The following MIPOL1 variants were observed in gnomAD, a reference collection of about 807,000 sequenced individuals.
MIPOL1 encodes the protein mirror-image polydactyly gene 1 protein.
Under a neutral mutation model 60.9 loss-of-function variants are expected in MIPOL1, and 57 were observed. The ratio of observed to expected loss-of-function variants is 0.94; its 90% CI spans 0.76 to 1.17. The LOEUF is 1.17. Ranked by LOEUF, MIPOL1 falls within the 50% of genes most tolerant of loss-of-function variation. The pLI, the probability that MIPOL1 is intolerant of heterozygous loss-of-function variation, is 0.00. For synonymous variants in MIPOL1, 179 were observed against 168.8 expected (o/e 1.06, Z -0.47); for missense variants, 551 against 511.6 (o/e 1.08, Z -0.74).
chr14:37,480,012 C>T (rs931157871), intron 11 of MIPOL1, among the ~76,000 whole-genome samples: 1 of 151,988 alleles, frequency 6.6e-6, no homozygotes, highest in South Asian at 2.1e-4. Context: ...CTAAACAGAC[C>T]AGTAATGACT....
At chr14:37,416,307 A>G (rs1190920347) in intron 10 of MIPOL1, among the ~76,000 whole-genome samples, 1 of 152,202 alleles carries the variant, frequency 6.6e-6, no homozygotes, top group African/African-American at 2.4e-5. Flanking sequence ...GAGGAATATG[A>G]CATTTTGTAT....
At chr14:37,373,635 T>C (rs1232953533) in intron 10 of MIPOL1, among the ~76,000 whole-genome samples, 1 of 151,812 alleles carries the variant, frequency 6.6e-6, no homozygotes, top group Non-Finnish European at 1.5e-5. Flanking sequence ...GAACATGTGG[T>C]GTTCGGTTTT....
chr14:37,490,969 AG>A (rs1192192555), intron 11 of MIPOL1, among the ~76,000 whole-genome samples: 1 of 152,218 alleles, frequency 6.6e-6, no homozygotes, highest in Admixed American at 6.5e-5. Context: ...CAAAAGCAGA[AG>A]TCTCCCTTCT....
chr14:37,456,997 T>A (rs1245684374), intron 11 of MIPOL1, among the ~76,000 whole-genome samples: 1 of 152,182 alleles, frequency 6.6e-6, no homozygotes, highest in Non-Finnish European at 1.5e-5. Context: ...TCTTTACTAT[T>A]GAAAAGGACA....
chr14:37,347,869 C>G lies in MIPOL1; in HGVS notation c.829-21648C>G, dbSNP rs1031461880. On this transcript the variant is annotated intron_variant, in intron 9 of 12. Transcript: ENST00000684589. The stretch of plus-strand genomic sequence containing the variant: ...ACAAAAGAATCGCATTTTCAAAGAC[C>G]GGATGTCTCAGTAAAATAACTTTTT... Among the ~76,000 whole-genome samples the G allele has an allele frequency of 1.1e-4, 17 of 152,194 alleles. No homozygotes were observed. The South Asian group carries it at 2.9e-3, about 26-fold the overall frequency.
intron 1 of MIPOL1, among the ~76,000 whole-genome samples, chr14:37,232,177 T>C (rs955423741): frequency 6.6e-6 from 1 of 152,222 alleles, no homozygotes; most frequent in African/African-American, 2.4e-5. Context: ...TATACTGTTT[T>C]ATAGTATACA....
At chr14:37,351,022 A>T in intron 9 of MIPOL1, among the ~76,000 whole-genome samples, 1 of 142,562 alleles carries the variant, frequency 7.0e-6, no homozygotes, top group South Asian at 2.3e-4. Context: ...CTCATCATCT[A>T]GCATTAGGTA....
chr14:37,351,567 C>T (rs2091379798), intron 9 of MIPOL1, among the ~76,000 whole-genome samples: 1 of 147,452 alleles, frequency 6.8e-6, no homozygotes, highest in Admixed American at 6.8e-5. Context: ...CTCTCCAGCA[C>T]CTGTTGTTTC....
intron 11 of MIPOL1, among the ~76,000 whole-genome samples, chr14:37,447,681 A>G (rs1200604987): frequency 1.3e-5 from 2 of 152,180 alleles, no homozygotes; most frequent in Admixed American, 1.3e-4. Flanking sequence ...CAGAACAATG[A>G]TATGTGACTG....
At chr14:37,481,560 A>AACACACACACACACACACAC (rs3062719) in intron 11 of MIPOL1, among the ~76,000 whole-genome samples, 12 of 113,148 alleles carry the variant, frequency 1.1e-4, no homozygotes, top group African/African-American at 2.9e-4. Flanking sequence ...GACCCCCCCC[A>AACACACACACACACACACAC]ACACACACAC....
chr14:37,540,604 C>T (rs1430067402), intron 12 of MIPOL1, among the ~76,000 whole-genome samples: 2 of 151,914 alleles, frequency 1.3e-5, no homozygotes, highest in Non-Finnish European at 1.5e-5. Context: ...TGCTTCCTCC[C>T]CTCCCCATCT....
At chr14:37,467,682 A>G (rs2094617267) in intron 11 of MIPOL1, among the ~76,000 whole-genome samples, 1 of 152,178 alleles carries the variant, frequency 6.6e-6, no homozygotes, top group Non-Finnish European at 1.5e-5. Flanking sequence ...GTCTTAAGAA[A>G]CATTAATTAA....
chr14:37,285,178 A>T, intron 6 of MIPOL1, 140 bp from the exon 7 acceptor site: 7 of 827,060 alleles, frequency 8.5e-6, no homozygotes, highest in Non-Finnish European at 1.2e-5. Context: ...ATAATATTTT[A>T]TGAATTGATT....
chr14:37,272,477 T>C (rs1389293038), intron 6 of MIPOL1, among the ~76,000 whole-genome samples: 2 of 151,636 alleles, frequency 1.3e-5, no homozygotes, highest in African/African-American at 2.4e-5. Context: ...TTGGTGGACT[T>C]TTGAACCTTT....
intron 9 of MIPOL1, among the ~76,000 whole-genome samples, chr14:37,311,689 T>C (rs2153436685): frequency 6.6e-6 from 1 of 152,330 alleles, no homozygotes; most frequent in East Asian, 1.9e-4. Flanking sequence ...GTTTCAAAAA[T>C]AGTACAATAT....
At chr14:37,415,975 A>G (rs948828658) in intron 10 of MIPOL1, among the ~76,000 whole-genome samples, 2 of 152,134 alleles carry the variant, frequency 1.3e-5, no homozygotes, top group African/African-American at 4.8e-5. Context: ...CCCCTTATTA[A>G]GAGAGAATCT....
intron 9 of MIPOL1, among the ~76,000 whole-genome samples, chr14:37,322,775 C>T (rs1027119954): frequency 6.6e-6 from 1 of 151,980 alleles, no homozygotes; most frequent in African/African-American, 2.4e-5. Context: ...TAAATGTCTT[C>T]TTTTGAAAAG....
At chr14:37,228,663 C>A (rs1970157068) in intron 1 of MIPOL1, among the ~76,000 whole-genome samples, 1 of 152,164 alleles carries the variant, frequency 6.6e-6, no homozygotes, top group South Asian at 2.1e-4. Context: ...ACCACTGATA[C>A]TATCTTTATC....
intron 12 of MIPOL1, among the ~76,000 whole-genome samples, chr14:37,525,681 A>G (rs1345127606): frequency 1.3e-5 from 2 of 152,206 alleles, no homozygotes; most frequent in African/African-American, 2.4e-5. Context: ...TGTTTCTGCA[A>G]TGAGATATAT....
Sources: gnomAD v4.1 joint callset for allele counts (sites outside exome capture counted in the v4.1 genomes callset) on GRCh38, gnomAD v4.1.1 for gene constraint, MANE v1.5 for transcripts, NCBI Gene and HGNC (gene_info 2026-07-23, HGNC 2026-07-21) for gene names.